Variants in CHD1 observed in about 807,000 individuals in gnomAD.
The protein encoded by CHD1 is chromodomain helicase DNA binding protein 1, also known as ATP-dependent chromatin remodeler CHD1.
A neutral mutation model predicts 224.2 loss-of-function variants in CHD1; 36 were observed. That is an observed-to-expected ratio of 0.16 (90% CI 0.12 to 0.21). The LOEUF is 0.21. Ranked by LOEUF, CHD1 falls within the 10% of genes least tolerant of loss-of-function variation. The pLI is 1.00. For synonymous variants in CHD1, 668 were observed against 658.3 expected (o/e 1.01, Z -0.23); for missense variants, 1,378 against 1,994.8 (o/e 0.69, Z 5.89).
intron 30 of CHD1, chr5:98,869,282 A>G (rs1749135234): frequency 1.0e-6 from 1 of 986,308 alleles, no homozygotes; most frequent in Non-Finnish European, 1.2e-6. Context: ...CTCATCCTGG[A>G]AAGTGCAAGT....
rs762379011 is a variant in CHD1, at chr5:98,883,242, A to C, written c.2569-5T>G. 1 of 1,571,442 alleles carries C rather than the reference A, an allele frequency of 6.4e-7. No homozygotes were observed. Among genetic ancestry groups the C allele is most frequent in the Non-Finnish European group, 8.6e-7 (1 of 1,164,572 alleles). On this transcript the variant is annotated splice_polypyrimidine_tract_variant and splice_region_variant and intron_variant, in intron 18 of 35. Coordinates refer to ENST00000614616, the MANE Select transcript of CHD1 (RefSeq NM_001270.4). ...GGACAGCAAAAAGCAAAAATCCTGT[A>C]AGAAATTGAATAATCAAAATGAAAA...
intron 8 of CHD1, 128 bp downstream of exon 8, chr5:98,899,352 C>A (rs1268536461): frequency 4.7e-6 from 3 of 640,202 alleles, no homozygotes; most frequent in Non-Finnish European, 7.8e-6. Context: ...ACAAAGACAG[C>A]CAACTGTATT....
At chr5:98,869,905 T>C (rs1749205322) in intron 29 of CHD1, 23 bp from the exon 30 acceptor site, 1 of 1,547,966 alleles carries the variant, frequency 6.5e-7, no homozygotes, top group African/African-American at 1.4e-5. Flanking sequence ...ATTTTAATTT[T>C]AACCAATTCT....
intron 32 of CHD1, among the ~76,000 whole-genome samples, chr5:98,862,083 G>A (rs1224643032): frequency 6.6e-6 from 1 of 152,130 alleles, no homozygotes; most frequent in Non-Finnish European, 1.5e-5. Flanking sequence ...CTTGAGCCCA[G>A]GAGGCGGAGG....
chr5:98,908,055 CTTTT>C (rs1387176407), intron 2 of CHD1, among the ~76,000 whole-genome samples: 3 of 152,102 alleles, frequency 2.0e-5, no homozygotes, highest in Admixed American at 1.3e-4. Context: ...GGTGGCCTTT[CTTTT>C]TTGTCTTCTG....
intron 2 of CHD1, among the ~76,000 whole-genome samples, chr5:98,918,753 CAA>C (rs35829200): frequency 1.5e-5 from 1 of 64,542 alleles, no homozygotes; most frequent in Admixed American, 1.8e-4. Flanking sequence ...CAAGACTCTT[CAA>C]AAAAAAAAAA....
chr5:98,927,882 A>G (rs774188696), intron 1 of CHD1, among the ~76,000 whole-genome samples: 2 of 152,166 alleles, frequency 1.3e-5, no homozygotes, highest in Non-Finnish European at 2.9e-5. Flanking sequence ...TGAAGCTCCA[A>G]GCGCACACAG....
intron 35 of CHD1, among the ~76,000 whole-genome samples, chr5:98,857,034 T>A (rs149844771): frequency 6.6e-6 from 1 of 152,276 alleles, no homozygotes; most frequent in African/African-American, 2.4e-5. Flanking sequence ...GCATCTTAAT[T>A]GTCTGGAAGC....
At chr5:98,892,792 G>A in intron 14 of CHD1, 79 bp from the exon 15 acceptor site, 13 of 855,906 alleles carry the variant, frequency 1.5e-5, no homozygotes, top group East Asian at 5.7e-5. Context: ...TTTTTTTAGG[G>A]GAGTCATTTA....
At chr5:98,898,601 T>G (rs530463509) in intron 9 of CHD1, 63 bp downstream of exon 9, 10 of 1,287,450 alleles carry the variant, frequency 7.8e-6, no homozygotes, top group East Asian at 4.7e-5. Flanking sequence ...GGCAAACTTA[T>G]GACTTTTTTC....
At chr5:98,908,668 T>A (rs1274301234) in intron 2 of CHD1, among the ~76,000 whole-genome samples, 1 of 152,202 alleles carries the variant, frequency 6.6e-6, no homozygotes, top group Non-Finnish European at 1.5e-5. Flanking sequence ...ACTAATCTTT[T>A]ATAAAACTGA....
intron 9 of CHD1, 31 bp downstream of exon 9, chr5:98,898,627 TAAAAAG>T: frequency 1.5e-6 from 2 of 1,363,556 alleles, no homozygotes; most frequent in Non-Finnish European, 1.0e-6. Context: ...ATTTCAAGCA[TAAAAAG>T]AAAGTTTAAC....
In CHD1 at chr5:98,898,661, A is replaced by C. The variant is rs751872106; in HGVS notation, c.1186+3T>G. ...AGTTTAACTAGAATCATTTATCACT[A>C]ACCAATTATACGTTCCACTATTTGA... On this transcript the variant is annotated splice_donor_region_variant and intron_variant, in intron 9 of 35. Transcript: ENST00000614616. 3.8e-5 allele frequency: 56 copies of C among 1,480,224 alleles called. No individual in the cohort carries two copies. The highest frequency in any genetic ancestry group is 1.7e-4 in the Middle Eastern group (1 of 5,764). The allele number at this position is 1,480,224 out of a possible 1,614,324, so 91.7% of individuals were successfully genotyped here. A position where few individuals can be genotyped will look rare whatever the true frequency, so the allele number is the denominator to read the frequency against.
chr5:98,898,106 C>A, intron 10 of CHD1, 150 bp downstream of exon 10: 1 of 387,540 alleles, frequency 2.6e-6, no homozygotes, highest in Non-Finnish European at 4.4e-6. Flanking sequence ...ACAGCAATTG[C>A]AGAAGTTCAC....
At chr5:98,879,176 G>C (rs1749984158) in intron 23 of CHD1, among the ~76,000 whole-genome samples, 1 of 152,230 alleles carries the variant, frequency 6.6e-6, no homozygotes, top group African/African-American at 2.4e-5. Flanking sequence ...TAAGGTTGCA[G>C]TGAGCCAGAA....
At chr5:98,890,380 C>T (rs1313858008) in intron 15 of CHD1, among the ~76,000 whole-genome samples, 1 of 152,164 alleles carries the variant, frequency 6.6e-6, no homozygotes, top group African/African-American at 2.4e-5. Context: ...ATGGACAATG[C>T]TCAATGCCCT....
chr5:98,923,473 T>C, intron 2 of CHD1, among the ~76,000 whole-genome samples: 1 of 151,532 alleles, frequency 6.6e-6, no homozygotes, highest in East Asian at 1.9e-4. Flanking sequence ...TGGAGTGCAA[T>C]CGCGCAATCT....
chr5:98,894,725 T>C (rs754959771), intron 12 of CHD1, 39 bp from the exon 13 acceptor site: 6 of 877,494 alleles, frequency 6.8e-6, no homozygotes, highest in Non-Finnish European at 1.1e-5. Flanking sequence ...AAGACAAACA[T>C]CAAGCAAATT....
chr5:98,878,827 T>A (rs1477807600), intron 23 of CHD1, among the ~76,000 whole-genome samples: 4 of 152,238 alleles, frequency 2.6e-5, no homozygotes, highest in African/African-American at 9.6e-5. Flanking sequence ...AATATAAAAA[T>A]AGATTTGGAA....
Sources: gnomAD v4.1 joint callset for allele counts (sites outside exome capture counted in the v4.1 genomes callset) on GRCh38, gnomAD v4.1.1 for gene constraint, MANE v1.5 for transcripts, NCBI Gene and HGNC (gene_info 2026-07-23, HGNC 2026-07-21) for gene names.